Variants in NFXL1 observed in about 807,000 individuals in gnomAD.
NFXL1 encodes the protein nuclear transcription factor, X-box binding like 1.
A neutral mutation model predicts 123.3 loss-of-function variants in NFXL1; 66 were observed. The ratio of observed to expected loss-of-function variants is 0.54; its 90% CI spans 0.44 to 0.66. The LOEUF (loss-of-function observed/expected upper bound fraction) is 0.66. NFXL1 is among the 30% of genes least tolerant of loss of function. The probability of loss-of-function intolerance (pLI) is 0.00; values close to 1 mark genes in which losing one functional copy is unlikely to be tolerated. For synonymous variants in NFXL1, 346 were observed against 360.8 expected (o/e 0.96, Z 0.46); for missense variants, 944 against 1,125.6 (o/e 0.84, Z 2.31).
Position 47,879,042 on chromosome 4 carries a change from G to A in NFXL1, c.1938+54C>T, listed in dbSNP as rs908156891. 2.9e-5 allele frequency: 29 copies of A among 1,009,356 alleles called. No homozygotes were observed. In the African/African-American group the frequency reaches 4.6e-4, roughly 16 times the overall value. The allele number at this position is 1,009,356 out of a possible 1,614,324, so 62.5% of individuals were successfully genotyped here. ...TAACAACTCTAGTAAAGTTATACTA[G>A]TATGTAACAGTATAGATTATAAGCT... is the stretch of plus-strand genomic sequence containing the variant. On this transcript the variant is annotated intron_variant, in intron 16 of 22. Coordinates refer to ENST00000507489, the MANE Select transcript of NFXL1 (RefSeq NM_001278624.2).
At chr4:47,852,197 G>A (rs1294752164) in intron 20 of NFXL1, 1 of 378,742 alleles carries the variant, frequency 2.6e-6, no homozygotes, top group Non-Finnish European at 4.7e-6. Flanking sequence ...GCCACTATTG[G>A]ACTTAGCTCC....
chr4:47,854,253 G>A (rs1042215277), intron 20 of NFXL1, among the ~76,000 whole-genome samples: 1 of 151,702 alleles, frequency 6.6e-6, no homozygotes, highest in Non-Finnish European at 1.5e-5. Flanking sequence ...GAATAAAAGC[G>A]AATTTCAAGA....
chr4:47,858,395 A>G (rs913729470), intron 19 of NFXL1, among the ~76,000 whole-genome samples: 6 of 152,220 alleles, frequency 3.9e-5, no homozygotes, highest in African/African-American at 1.4e-4. Flanking sequence ...AAGCAATTAC[A>G]CTACTGCATG....
chr4:47,902,000 G>A (rs1461057460), intron 5 of NFXL1, among the ~76,000 whole-genome samples: 1 of 152,112 alleles, frequency 6.6e-6, no homozygotes, highest in East Asian at 1.9e-4. Flanking sequence ...TGGCCAACAT[G>A]GTGAAACCCC....
intron 11 of NFXL1, among the ~76,000 whole-genome samples, chr4:47,892,990 G>A (rs1736865004): frequency 6.6e-6 from 1 of 152,096 alleles, no homozygotes; most frequent in Non-Finnish European, 1.5e-5. Context: ...GTAGATAGAG[G>A]AAGCATGAAC....
Position 47,890,673 on chromosome 4 carries a change from G to C in NFXL1, c.1483C>G (p.Gln495Glu), listed in dbSNP as rs747098135. ...CATCCTAAAGTCCGTCCACAGTTTT[G>C]ATCACAAGGTGGACAGTTTCCAGGG... ...CCPGNCPPCD[Q>E]NCGRTLGCRN... The change falls in exon 12 of 23, where the codon CAA becomes GAA. Residue 495 changes from glutamine (Q) to glutamate (E), a missense_variant. Physicochemically the swap from Gln to Glu is conservative, Grantham distance 29. This residue lies in a region of NFXL1 where 296 missense variants were observed against 395.1 expected (regional missense o/e 0.75). Transcript: ENST00000507489. 22 of 1,610,810 alleles carry C rather than the reference G, an allele frequency of 1.4e-5. No homozygotes were observed. The highest frequency in any genetic ancestry group is 1.8e-5 in the Non-Finnish European group (21 of 1,177,424).
At chr4:47,886,127 A>T (rs1736415376) in intron 12 of NFXL1, 128 bp from the exon 13 acceptor site, 1 of 755,050 alleles carries the variant, frequency 1.3e-6, no homozygotes, top group Admixed American at 2.9e-5. Context: ...AACTACAACA[A>T]CATGAATGAA....
At chr4:47,903,063 G>A (rs1737415545) in intron 5 of NFXL1, 130 bp downstream of exon 5, 1 of 445,596 alleles carries the variant, frequency 2.2e-6, no homozygotes, top group Non-Finnish European at 4.0e-6. Context: ...GCTGAGACAG[G>A]AGAATCTCTT....
intron 9 of NFXL1, 129 bp downstream of exon 9, chr4:47,897,838 T>C (rs1249436553): frequency 3.4e-6 from 2 of 583,840 alleles, no homozygotes; most frequent in Non-Finnish European, 3.0e-6. Flanking sequence ...TTAAATTTTG[T>C]AGCTTTTTCA....
chr4:47,897,959 A>T lies in NFXL1; in HGVS notation c.1204+8T>A. 6.6e-7 allele frequency: 1 copy of T among 1,522,394 alleles called. No homozygotes were observed. The highest frequency in any genetic ancestry group is 9.0e-7 in the Non-Finnish European group (1 of 1,115,796). 94.3% of individuals were successfully genotyped at this position (1,522,394 alleles called of 1,614,324 possible). A position where few individuals can be genotyped will look rare whatever the true frequency, so the allele number is the denominator to read the frequency against. On this transcript the variant is annotated splice_region_variant and intron_variant, in intron 9 of 22. Transcript: ENST00000507489. ...TCCTATATAAATATAAAAAAAAACA[A>T]GTCTTACTTGATTTCTGACATGGAC...
chr4:47,867,078 C>T (rs1010488093), intron 18 of NFXL1, among the ~76,000 whole-genome samples: 24 of 152,260 alleles, frequency 1.6e-4, no homozygotes, highest in African/African-American at 5.3e-4. Flanking sequence ...GCTGTAATAA[C>T]TCATAGCAGT....
At chr4:47,867,983 A>C (rs1735199314) in intron 18 of NFXL1, among the ~76,000 whole-genome samples, 1 of 152,238 alleles carries the variant, frequency 6.6e-6, no homozygotes, top group Admixed American at 6.5e-5. Flanking sequence ...GGGAAATTTC[A>C]GCAAAAAGAC....
rs374316803 is a variant in NFXL1 at position 47,886,041 on chromosome 4, C to G, written c.1544-42G>C. On this transcript the variant is annotated intron_variant, in intron 12 of 22. Coordinates refer to ENST00000507489, the MANE Select transcript of NFXL1 (RefSeq NM_001278624.2). ...ACAATTAAAAAGTTTCCTTAACTAC[C>G]CAAATGCCTATTAATGGTAAAATAC... 42 of 1,588,826 alleles carry G rather than the reference C, an allele frequency of 2.6e-5. No homozygotes were observed. In the South Asian group the frequency reaches 4.0e-4, roughly 15 times the overall value.
chr4:47,884,278 T>G, intron 15 of NFXL1, 68 bp downstream of exon 15: 1 of 860,510 alleles, frequency 1.2e-6, no homozygotes, highest in East Asian at 2.5e-5. Context: ...GAGATTGACT[T>G]CAGATACCCT....
At position 47,896,309 on chromosome 4, in the gene NFXL1, G is replaced by A. The variant is rs370970576; in HGVS notation, c.1329+214C>T. Among the ~76,000 whole-genome samples the A allele has an allele frequency of 1.8e-4, 28 of 152,294 alleles. No individual in the cohort carries two copies. In the East Asian group the frequency reaches 4.0e-3, roughly 22 times the overall value. On this transcript the variant is annotated intron_variant, in intron 10 of 22. Transcript: ENST00000507489. ...CATAAACCTTCAATTTATTAAAAAC[G>A]CAGTATTGGCAAAGCACAATAAAGT... is the stretch of plus-strand genomic sequence containing the variant.
intron 3 of NFXL1, among the ~76,000 whole-genome samples, chr4:47,906,911 T>C (rs1046464350): frequency 6.6e-6 from 1 of 152,216 alleles, no homozygotes; most frequent in Non-Finnish European, 1.5e-5. Flanking sequence ...AAAATGAGTA[T>C]GTGGAGGCCA....
At chr4:47,875,066 A>C in intron 18 of NFXL1, 61 bp downstream of exon 18, 1 of 1,177,550 alleles carries the variant, frequency 8.5e-7, no homozygotes, top group Middle Eastern at 2.0e-4. Context: ...GTTCTTAATT[A>C]TAAAAAGATA....
intron 11 of NFXL1, among the ~76,000 whole-genome samples, chr4:47,891,403 C>T (rs201092837): frequency 6.6e-6 from 1 of 152,176 alleles, no homozygotes. Flanking sequence ...TAAGCCACTG[C>T]TCCTGGCTTC....
At chr4:47,861,786 C>T (rs1358151613) in intron 19 of NFXL1, among the ~76,000 whole-genome samples, 1 of 152,118 alleles carries the variant, frequency 6.6e-6, no homozygotes, top group African/African-American at 2.4e-5. Context: ...TTTAAAAACT[C>T]TCAATTTCCA....
Sources: gnomAD v4.1 joint callset for allele counts (sites outside exome capture counted in the v4.1 genomes callset) on GRCh38, gnomAD v4.1.1 for gene constraint, gnomAD v4.1.1 regional missense constraint, MANE v1.5 for transcripts, NCBI Gene and HGNC (gene_info 2026-07-23, HGNC 2026-07-21) for gene names.